Variants in EXOC4 observed in about 807,000 individuals in gnomAD.
The protein encoded by EXOC4 is exocyst complex component 4, also known as SEC8-like 1.
Under a neutral mutation model 107.2 loss-of-function variants are expected in EXOC4, and 71 were observed. The ratio of observed to expected loss-of-function variants is 0.66; its 90% CI spans 0.55 to 0.81. EXOC4 has a LOEUF of 0.81. Among genes scored for constraint, EXOC4 ranks in the 30% least tolerant of loss-of-function variants. The pLI, the probability that EXOC4 is intolerant of heterozygous loss-of-function variation, is 0.00. For synonymous variants in EXOC4, 456 were observed against 441.2 expected (o/e 1.03, Z -0.42); for missense variants, 1,108 against 1,189.6 (o/e 0.93, Z 1.01).
At chr7:133,906,481 A>G (rs1585238776) in intron 12 of EXOC4, among the ~76,000 whole-genome samples, 1 of 152,234 alleles carries the variant, frequency 6.6e-6, no homozygotes, top group East Asian at 1.9e-4. Context: ...AACAGGAGGT[A>G]AAGAAATAGC....
intron 7 of EXOC4, among the ~76,000 whole-genome samples, chr7:133,375,357 T>C (rs1428096155): frequency 6.6e-6 from 1 of 152,086 alleles, no homozygotes; most frequent in Non-Finnish European, 1.5e-5. Context: ...GCGCCTGTAA[T>C]CTCAGTTACC....
chr7:134,026,184 C>T (rs971570211), intron 17 of EXOC4, among the ~76,000 whole-genome samples: 4 of 151,904 alleles, frequency 2.6e-5, no homozygotes, highest in Non-Finnish European at 4.4e-5. Context: ...TCAGCAAGAT[C>T]GCTTCTTTTC....
chr7:134,084,464 C>T, the EXOC4 span, among the ~76,000 whole-genome samples: 1 of 152,156 alleles, frequency 6.6e-6, no homozygotes, highest in South Asian at 2.1e-4. Context: ...ACTAGTGGCA[C>T]TGAGAAACCT....
chr7:133,630,930 A>G (rs1802576747), intron 10 of EXOC4, among the ~76,000 whole-genome samples: 1 of 152,200 alleles, frequency 6.6e-6, no homozygotes, highest in Admixed American at 6.5e-5. Context: ...AGTGGAAAAA[A>G]GGGGCAATTG....
chr7:133,763,201 C>A (rs938078872), intron 10 of EXOC4, among the ~76,000 whole-genome samples: 3 of 152,186 alleles, frequency 2.0e-5, no homozygotes, highest in African/African-American at 4.8e-5. Flanking sequence ...CATTGCTACT[C>A]CCCCCTGCCA....
At chr7:133,296,198 TTCTG>T (rs1794516288) in intron 3 of EXOC4, among the ~76,000 whole-genome samples, 2 of 152,168 alleles carry the variant, frequency 1.3e-5, no homozygotes, top group Non-Finnish European at 2.9e-5. Context: ...TGTTGATAAC[TTCTG>T]TTGTTTGTAT....
At chr7:133,899,139 T>C (rs1799392719) in intron 12 of EXOC4, among the ~76,000 whole-genome samples, 1 of 152,046 alleles carries the variant, frequency 6.6e-6, no homozygotes, top group Non-Finnish European at 1.5e-5. Flanking sequence ...TAGTAAGTTG[T>C]CTGATTATGG....
At chr7:133,853,890 G>A (rs1396823274) in intron 11 of EXOC4, among the ~76,000 whole-genome samples, 1 of 152,240 alleles carries the variant, frequency 6.6e-6, no homozygotes, top group Non-Finnish European at 1.5e-5. Context: ...CATTCTAGGT[G>A]CATTCTTTGG....
At chr7:133,361,456 A>G (rs1781142740) in intron 6 of EXOC4, among the ~76,000 whole-genome samples, 1 of 151,902 alleles carries the variant, frequency 6.6e-6, no homozygotes, top group Non-Finnish European at 1.5e-5. Flanking sequence ...AATTTTTTGT[A>G]TTTTTTGTAG....
chr7:133,532,698 G>GA (rs1446772465), intron 9 of EXOC4, among the ~76,000 whole-genome samples: 6 of 151,934 alleles, frequency 3.9e-5, no homozygotes, highest in Non-Finnish European at 7.4e-5. Context: ...CTTAGCCCAA[G>GA]AAAAATAAAT....
At chr7:133,355,641 C>T (rs934308320) in intron 5 of EXOC4, among the ~76,000 whole-genome samples, 22 of 152,068 alleles carry the variant, frequency 1.4e-4, no homozygotes, top group Non-Finnish European at 8.8e-5. Flanking sequence ...TAAAGATCTA[C>T]AGAGGCTTTT....
intron 9 of EXOC4, among the ~76,000 whole-genome samples, chr7:133,550,667 CT>C (rs1372675494): frequency 1.3e-5 from 2 of 152,192 alleles, no homozygotes; most frequent in African/African-American, 4.8e-5. Context: ...AAGCACCAAC[CT>C]TAACTGAGAT....
At chr7:133,576,435 A>G in intron 9 of EXOC4, 1 of 1,193,004 alleles carries the variant, frequency 8.4e-7, no homozygotes, top group South Asian at 1.5e-5. Context: ...GTAGTATATT[A>G]CTACACTTAA....
chr7:133,948,309 G>C (rs1467976217), intron 14 of EXOC4, among the ~76,000 whole-genome samples: 1 of 152,210 alleles, frequency 6.6e-6, no homozygotes, highest in Non-Finnish European at 1.5e-5. Context: ...ACCAGAGAAA[G>C]AGTGTGTCTT....
At chr7:133,732,732 C>G (rs1228385236) in intron 10 of EXOC4, 6 of 156,406 alleles carry the variant, frequency 3.8e-5, no homozygotes, top group African/African-American at 1.2e-4. Flanking sequence ...ATTTACTGGC[C>G]ACTTCTTTCA....
intron 14 of EXOC4, among the ~76,000 whole-genome samples, chr7:133,951,019 T>C (rs1042044608): frequency 1.6e-4 from 24 of 152,228 alleles, no homozygotes; most frequent in Admixed American, 1.4e-3. Context: ...TATGCTGCTG[T>C]ATCTGCCTCT....
At chr7:133,977,740 G>T (rs74551616) in intron 14 of EXOC4, among the ~76,000 whole-genome samples, 1,417 of 40,434 alleles carry the variant, frequency 0.035, 19 homozygotes, top group African/African-American at 0.11. Flanking sequence ...TTGTTGTTTT[G>T]TGTGTGTGTG....
At chr7:133,956,491 A>G (rs1800822295) in intron 14 of EXOC4, among the ~76,000 whole-genome samples, 1 of 152,202 alleles carries the variant, frequency 6.6e-6, no homozygotes, top group South Asian at 2.1e-4. Flanking sequence ...ACCAGCCCAG[A>G]TACTTCTCGC....
At position 133,387,791 on chromosome 7, in the gene EXOC4, G is replaced by T. The variant is rs183420630; in HGVS notation, c.1182+12789G>T. On this transcript the variant is annotated intron_variant, in intron 7 of 17. Transcript: ENST00000253861. ...CAAAAACACTGCAGAACAGTTTATGGTCCCATGGACAAATGTTCAGTCTGA... is the reference window on the plus strand; with the variant it reads ...CAAAAACACTGCAGAACAGTTTATGTTCCCATGGACAAATGTTCAGTCTGA... Among the ~76,000 whole-genome samples, 9 of 152,172 alleles carry T rather than the reference G, an allele frequency of 5.9e-5. No individual in the cohort carries two copies. The East Asian group carries it at 9.7e-4, about 16-fold the overall frequency.
Sources: allele counts gnomAD v4.1 joint callset (sites outside exome capture counted in the v4.1 genomes callset), GRCh38; gene constraint gnomAD v4.1.1; transcripts MANE v1.5; gene names NCBI Gene and HGNC (gene_info 2026-07-23, HGNC 2026-07-21).